The following MRTFB variants were observed in gnomAD, a reference collection of about 807,000 sequenced individuals.
The protein encoded by MRTFB is myocardin related transcription factor B, also known as myocardin-related transcription factor B.
In MRTFB, 29 loss-of-function variants were observed where a neutral mutation model predicts 104.2. The ratio of observed to expected loss-of-function variants is 0.28; its 90% CI spans 0.21 to 0.38. MRTFB has a LOEUF of 0.38. Among genes scored for constraint, MRTFB ranks in the 10% least tolerant of loss-of-function variants. The pLI, the probability that MRTFB is intolerant of heterozygous loss-of-function variation, is 1.00. For missense variants in MRTFB, 1,270 were observed against 1,341.6 expected (o/e 0.95, Z 0.83); for synonymous variants, 535 against 519.5 (o/e 1.03, Z -0.41).
intron 3 of MRTFB, chr16:14,200,270 GAA>G: frequency 6.5e-7 from 1 of 1,530,930 alleles, no homozygotes; most frequent in Non-Finnish European, 9.0e-7. Flanking sequence ...CAGCCTTTAA[GAA>G]AGAGCTAGAT....
At chr16:14,111,402 G>T (rs989076564) in intron 2 of MRTFB, among the ~76,000 whole-genome samples, 3 of 152,324 alleles carry the variant, frequency 2.0e-5, no homozygotes, top group East Asian at 3.9e-4. Context: ...TGATGAGGGG[G>T]TGGTGCTGGG....
intron 1 of MRTFB, among the ~76,000 whole-genome samples, chr16:14,076,335 G>A (rs1937341783): frequency 6.6e-6 from 1 of 151,966 alleles, no homozygotes; most frequent in Admixed American, 6.6e-5. Flanking sequence ...TGGGACTACA[G>A]GTGCATGTGC....
chr16:14,059,053 C>G, the MRTFB span, among the ~76,000 whole-genome samples: 1 of 152,010 alleles, frequency 6.6e-6, no homozygotes, highest in Admixed American at 6.6e-5. Context: ...TTGTATAACT[C>G]ATTATTGACA....
intron 2 of MRTFB, among the ~76,000 whole-genome samples, chr16:14,098,853 C>T (rs1045047503): frequency 2.6e-5 from 4 of 152,212 alleles, no homozygotes; most frequent in African/African-American, 9.6e-5. Flanking sequence ...TCTCACTTCA[C>T]TGAGTTGCCT....
chr16:14,159,349 A>G (rs984032615), intron 3 of MRTFB, among the ~76,000 whole-genome samples: 3 of 152,216 alleles, frequency 2.0e-5, no homozygotes, highest in Admixed American at 6.5e-5. Flanking sequence ...TAAATGAATG[A>G]AGAAATTTTA....
intron 3 of MRTFB, among the ~76,000 whole-genome samples, chr16:14,198,900 G>T (rs2040557714): frequency 6.6e-6 from 1 of 152,102 alleles, no homozygotes; most frequent in African/African-American, 2.4e-5. Context: ...TTATGCTCTT[G>T]TTCATTCTCT....
intron 13 of MRTFB, among the ~76,000 whole-genome samples, chr16:14,251,167 G>C (rs1434711297): frequency 6.6e-6 from 1 of 152,000 alleles, no homozygotes; most frequent in African/African-American, 2.4e-5. Flanking sequence ...ACGAGGTCAG[G>C]AGATTGAGAC....
chr16:14,245,901 CAG>C (rs1306435594), intron 11 of MRTFB, among the ~76,000 whole-genome samples: 1 of 152,118 alleles, frequency 6.6e-6, no homozygotes, highest in African/African-American at 2.4e-5. Flanking sequence ...TGCTGGATTC[CAG>C]AGGCTGTGAT....
chr16:14,184,232 T>C (rs1329569253), intron 3 of MRTFB, among the ~76,000 whole-genome samples: 1 of 150,814 alleles, frequency 6.6e-6, no homozygotes, highest in African/African-American at 2.4e-5. Flanking sequence ...ATTTTTTTTT[T>C]TTTTTTTTGA....
upstream of MRTFB, among the ~76,000 whole-genome samples, chr16:14,067,998 A>C (rs2033540308): frequency 6.6e-6 from 1 of 151,814 alleles, no homozygotes; most frequent in African/African-American, 2.4e-5. Context: ...TGCCTGGGTA[A>C]TTTTTGTATT....
intron 11 of MRTFB, 36 bp downstream of exon 11, chr16:14,245,696 T>C (rs1279316942): frequency 8.8e-6 from 14 of 1,591,448 alleles, no homozygotes; most frequent in Middle Eastern, 1.7e-4. Context: ...CACCCCTAAG[T>C]ACCACAAACA....
chr16:14,003,656 CCCTCCCTCCCTCCCTT>C, the MRTFB span, among the ~76,000 whole-genome samples: 59 of 73,648 alleles, frequency 8.0e-4, 1 homozygote, highest in Middle Eastern at 0.027. Context: ...CTCCCTCCCT[CCCTCCCTCCCTCCCTT>C]CCTTCCTTCC....
chr16:14,212,698 T>G (rs1056034079), intron 5 of MRTFB, among the ~76,000 whole-genome samples: 1 of 152,182 alleles, frequency 6.6e-6, no homozygotes. Context: ...TAACAACAGT[T>G]TTTAGAGGCA....
At chr16:14,040,665 G>A in the MRTFB span, among the ~76,000 whole-genome samples, 1 of 152,106 alleles carries the variant, frequency 6.6e-6, no homozygotes, top group Non-Finnish European at 1.5e-5. Context: ...GTTTCACCAT[G>A]TTGGCAGGGC....
chr16:14,180,800 G>A (rs1278542684), intron 3 of MRTFB, among the ~76,000 whole-genome samples: 1 of 152,176 alleles, frequency 6.6e-6, no homozygotes, highest in African/African-American at 2.4e-5. Context: ...CAAACCTGGA[G>A]GGGAGGGAGG....
At chr16:14,086,125 G>T (rs1052816074) in intron 2 of MRTFB, among the ~76,000 whole-genome samples, 3 of 152,092 alleles carry the variant, frequency 2.0e-5, no homozygotes, top group Non-Finnish European at 4.4e-5. Flanking sequence ...GTGTGGCTCC[G>T]CATTTCATTA....
chr16:14,157,537 T>A (rs972259016), intron 3 of MRTFB, among the ~76,000 whole-genome samples: 3 of 152,220 alleles, frequency 2.0e-5, no homozygotes, highest in Admixed American at 6.5e-5. Flanking sequence ...TGAGCTATTG[T>A]GTGCCTGTCT....
intron 8 of MRTFB, among the ~76,000 whole-genome samples, chr16:14,225,636 C>G (rs2041968286): frequency 6.6e-6 from 1 of 151,860 alleles, no homozygotes; most frequent in African/African-American, 2.4e-5. Flanking sequence ...GGGTGGCTGT[C>G]CACACCTGCC....
At chr16:14,169,315 T>C (rs2039348170) in intron 3 of MRTFB, among the ~76,000 whole-genome samples, 1 of 152,248 alleles carries the variant, frequency 6.6e-6, no homozygotes, top group African/African-American at 2.4e-5. Flanking sequence ...TCTTATGTTC[T>C]TTCCCCCTAA....
Sources: gnomAD v4.1 joint callset for allele counts (sites outside exome capture counted in the v4.1 genomes callset) on GRCh38, gnomAD v4.1.1 for gene constraint, MANE v1.5 for transcripts, NCBI Gene and HGNC (gene_info 2026-07-23, HGNC 2026-07-21) for gene names.